The following ANO1 variants were observed in gnomAD, a reference collection of about 807,000 sequenced individuals.
The protein encoded by ANO1 is anoctamin 1.
In ANO1, 59 loss-of-function variants were observed where a neutral mutation model predicts 124.0. The observed-to-expected ratio is 0.48, with a 90% confidence interval of 0.39 to 0.59. The LOEUF (loss-of-function observed/expected upper bound fraction) is 0.59. Among genes scored for constraint, ANO1 ranks in the 20% least tolerant of loss-of-function variants. ANO1 has a pLI of 0.00. For missense variants in ANO1, 1,059 were observed against 1,328.0 expected, an observed-to-expected ratio of 0.80 and a Z score of 3.15; for synonymous variants, 529 against 532.0, an observed-to-expected ratio of 0.99 and a Z score of 0.08.
intron 6 of ANO1, among the ~76,000 whole-genome samples, chr11:70,110,772 A>G (rs930153982): frequency 6.6e-6 from 1 of 152,164 alleles, no homozygotes; most frequent in Non-Finnish European, 1.5e-5. Context: ...AAAGGGCCCC[A>G]TGGAAACGCC....
chr11:70,111,288 A>G, intron 6 of ANO1: 1 of 467,740 alleles, frequency 2.1e-6, no homozygotes, highest in Non-Finnish European at 4.2e-6. Flanking sequence ...CCATCCGTAT[A>G]TTTCCTCATG....
chr11:70,096,036 C>T lies in ANO1; in HGVS notation c.442-7030C>T, dbSNP rs537011740. The stretch of plus-strand genomic sequence containing the variant: ...CAGCTCATCCTTTGCTAATCCCAAG[C>T]TGAGTGGGCCGATTTCTATCTCGGT... On this transcript the variant is annotated intron_variant, in intron 2 of 25. Coordinates refer to ENST00000355303, the MANE Select transcript of ANO1 (RefSeq NM_018043.7). Among the ~76,000 whole-genome samples, 136 of 152,322 alleles carry T rather than the reference C, an allele frequency of 8.9e-4. 1 individual carries two copies. Among genetic ancestry groups the T allele is most frequent in the Middle Eastern group, 3.4e-3 (1 of 294 alleles).
the ANO1 span, among the ~76,000 whole-genome samples, chr11:69,974,984 A>AAAC: frequency 0.054 from 8,189 of 152,134 alleles, 278 homozygotes; most frequent in Middle Eastern, 0.13. Flanking sequence ...CAAAAAGACT[A>AAAC]AACTGCCCTG....
the ANO1 span, among the ~76,000 whole-genome samples, chr11:69,977,748 C>A: frequency 6.6e-6 from 1 of 152,236 alleles, no homozygotes; most frequent in Non-Finnish European, 1.5e-5. Flanking sequence ...ATGACTGCAG[C>A]CCCGAGGCTT....
At chr11:70,010,259 A>G (rs902607737) in intron 1 of ANO1, among the ~76,000 whole-genome samples, 1 of 149,132 alleles carries the variant, frequency 6.7e-6, no homozygotes, top group South Asian at 2.1e-4. Flanking sequence ...TATTTTTGCA[A>G]TTGAGAATTG....
chr11:70,124,068 GGT>G (rs1175907150), intron 8 of ANO1, among the ~76,000 whole-genome samples: 2 of 152,142 alleles, frequency 1.3e-5, no homozygotes, highest in Non-Finnish European at 2.9e-5. Flanking sequence ...AGAATGGTTT[GGT>G]GTCTGATGGG....
rs376287667 is a variant in ANO1, at chr11:70,167,300, G to A, written c.2110G>A (p.Glu704Lys). The change falls in exon 21 of 26, where the codon GAG (glutamate) becomes AAG (lysine). Residue 704 changes from glutamate (E) to lysine (K), a missense_variant. Coordinates refer to ENST00000355303, the MANE Select transcript of ANO1 (RefSeq NM_018043.7). ...GAAGCAGCAGAGCCCCCCTGACCAC[G>A]AGGAGTGTGTGAAGAGGAAACAGCG... ...KLKQQSPPDH[E>K]ECVKRKQRYE... 4.8e-5 allele frequency: 78 copies of A among 1,613,884 alleles called. No individual in the cohort carries two copies. Among genetic ancestry groups the A allele is most frequent in the East Asian group, 1.3e-4 (6 of 44,896 alleles).
chr11:70,101,585 C>CAAAAAAAAA (rs71463659), intron 2 of ANO1, among the ~76,000 whole-genome samples: 38 of 75,884 alleles, frequency 5.0e-4, no homozygotes, highest in African/African-American at 2.1e-3. Flanking sequence ...GATTAAAAAC[C>CAAAAAAAAA]AAAAAAAAAA....
chr11:70,143,691 C>G (rs568267014), intron 11 of ANO1, among the ~76,000 whole-genome samples: 1 of 152,188 alleles, frequency 6.6e-6, no homozygotes, highest in African/African-American at 2.4e-5. Context: ...ATGAAATGGA[C>G]AGATTGCCCC....
intron 1 of ANO1, among the ~76,000 whole-genome samples, chr11:69,998,678 G>A (rs1554998766): frequency 6.6e-6 from 1 of 152,216 alleles, no homozygotes; most frequent in African/African-American, 2.4e-5. Context: ...GCCAGGCGCA[G>A]TGGCTCACAC....
At chr11:69,980,540 G>T in the ANO1 span, among the ~76,000 whole-genome samples, 1 of 151,786 alleles carries the variant, frequency 6.6e-6, no homozygotes, top group East Asian at 1.9e-4. Flanking sequence ...AGAATGGCGT[G>T]AACCCAGGAG....
At chr11:69,993,568 G>A (rs782652058) in intron 1 of ANO1, among the ~76,000 whole-genome samples, 2 of 152,110 alleles carry the variant, frequency 1.3e-5, no homozygotes, top group African/African-American at 4.8e-5. Flanking sequence ...GTCCCAGCTC[G>A]GTCTTCAGAT....
chr11:69,999,113 T>A (rs1417301244), intron 1 of ANO1, among the ~76,000 whole-genome samples: 1 of 150,914 alleles, frequency 6.6e-6, no homozygotes, highest in East Asian at 1.9e-4. Flanking sequence ...AGAAAAGAGG[T>A]TGAATTGGCT....
Position 70,188,182 on chromosome 11 carries a change from T to C in ANO1, c.*178T>C. On this transcript the variant is annotated 3_prime_UTR_variant, in exon 26 of 26. Transcript: ENST00000355303. The stretch of plus-strand genomic sequence containing the variant: ...CTTCTTTCTGTTTTCTTTCCCTTGT[T>C]TTTGCACAAAGCCATTATGCAGGGA... 1 of 773,724 alleles carries C rather than the reference T, an allele frequency of 1.3e-6. No individual in the cohort carries two copies. Among genetic ancestry groups the C allele is most frequent in the Non-Finnish European group, 2.0e-6 (1 of 496,926 alleles). The allele number at this position is 773,724 out of a possible 1,614,324, so 47.9% of individuals were successfully genotyped here. A position where few individuals can be genotyped will look rare whatever the true frequency, so the allele number is the denominator to read the frequency against.
intron 11 of ANO1, among the ~76,000 whole-genome samples, chr11:70,141,974 T>C (rs2047171892): frequency 6.6e-6 from 1 of 152,214 alleles, no homozygotes; most frequent in Non-Finnish European, 1.5e-5. Flanking sequence ...TCCAGCCTGC[T>C]GTTTTAATCT....
At chr11:70,163,224 T>A in intron 18 of ANO1, 59 bp from the exon 19 acceptor site, 1 of 1,571,940 alleles carries the variant, frequency 6.4e-7, no homozygotes, top group Non-Finnish European at 8.6e-7. Context: ...CTTGGGGGTC[T>A]CTCCCCGAGC....
chr11:70,143,377 A>G (rs113113665), intron 11 of ANO1, among the ~76,000 whole-genome samples: 9,734 of 152,184 alleles, frequency 0.064, 1,044 homozygotes, highest in African/African-American at 0.22. Flanking sequence ...AGGTGCCGCG[A>G]AATTAGGGAA....
intron 1 of ANO1, among the ~76,000 whole-genome samples, chr11:70,010,179 G>GTATATA (rs71926266): frequency 7.2e-5 from 6 of 83,774 alleles, no homozygotes; most frequent in African/African-American, 1.4e-4. Context: ...GTGTGTGTGT[G>GTATATA]TATATATATA....
At chr11:70,125,541 G>A (rs2135488963) in intron 9 of ANO1, among the ~76,000 whole-genome samples, 2 of 149,596 alleles carry the variant, frequency 1.3e-5, no homozygotes, top group South Asian at 4.3e-4. Context: ...AGAAAGAAAG[G>A]AAAAGAAAAA....
Sources: allele counts gnomAD v4.1 joint callset (sites outside exome capture counted in the v4.1 genomes callset), GRCh38; gene constraint gnomAD v4.1.1; transcripts MANE v1.5; gene names NCBI Gene and HGNC (gene_info 2026-07-23, HGNC 2026-07-21).